The following FHIT variants were observed in gnomAD, a reference collection of about 807,000 sequenced individuals.
The protein encoded by FHIT is bis(5'-adenosyl)-triphosphatase.
A neutral mutation model predicts 17.9 loss-of-function variants in FHIT; 19 were observed. The ratio of observed to expected loss-of-function variants is 1.06; its 90% CI spans 0.74 to 1.56. The LOEUF is 1.56. FHIT is among the 40% of genes most tolerant of loss of function. The probability of loss-of-function intolerance (pLI) is 0.00; values close to 1 mark genes in which losing one functional copy is unlikely to be tolerated. For synonymous variants in FHIT, 81 were observed against 69.7 expected (o/e 1.16, Z -0.81); for missense variants, 248 against 189.2 (o/e 1.31, Z -1.82).
intron 4 of FHIT, among the ~76,000 whole-genome samples, chr3:60,699,975 C>CA (rs1317447849): frequency 1.3e-5 from 2 of 151,336 alleles, no homozygotes; most frequent in African/African-American, 2.4e-5. Context: ...TGAAAAAATA[C>CA]AAAAAAAGTA....
Position 59,967,514 on chromosome 3 carries a change from G to A in FHIT, c.279+43857C>T, listed in dbSNP as rs556788538. Among the ~76,000 whole-genome samples the A allele has an allele frequency of 4.5e-3, 678 of 152,248 alleles. 6 individuals carry two copies. Among genetic ancestry groups the A allele is most frequent in the African/African-American group, 0.015 (628 of 41,560 alleles). On this transcript the variant is annotated intron_variant, in intron 7 of 9. Transcript: ENST00000492590. ...TTTTCAGCTCCATTATAATCTTATA[G>A]GGCCACCTTCATACATGCGGTCTGT...
intron 7 of FHIT, among the ~76,000 whole-genome samples, chr3:60,004,377 G>A (rs1252310457): frequency 6.6e-6 from 1 of 152,118 alleles, no homozygotes; most frequent in African/African-American, 2.4e-5. Flanking sequence ...TAATTACTGA[G>A]GGGATTTGTT....
intron 5 of FHIT, among the ~76,000 whole-genome samples, chr3:60,260,764 T>A (rs918560874): frequency 1.3e-5 from 2 of 152,014 alleles, no homozygotes; most frequent in Non-Finnish European, 2.9e-5. Flanking sequence ...GCAAATCACC[T>A]GATAAAACAA....
At chr3:60,347,469 G>A (rs1326552379) in intron 5 of FHIT, among the ~76,000 whole-genome samples, 1 of 152,056 alleles carries the variant, frequency 6.6e-6, no homozygotes, top group Non-Finnish European at 1.5e-5. Flanking sequence ...CATCAACTTA[G>A]CAAGTGCTGG....
intron 5 of FHIT, among the ~76,000 whole-genome samples, chr3:60,322,713 C>T (rs1050914703): frequency 3.3e-5 from 5 of 152,170 alleles, no homozygotes; most frequent in African/African-American, 1.2e-4. Context: ...CGTATGATCA[C>T]ATGGGTAGTC....
At chr3:60,378,482 G>A (rs891527212) in intron 5 of FHIT, among the ~76,000 whole-genome samples, 1 of 152,108 alleles carries the variant, frequency 6.6e-6, no homozygotes, top group Admixed American at 6.5e-5. Flanking sequence ...TTTCTTCTCA[G>A]AGTAGATCTA....
chr3:61,156,745 A>T (rs567041814), intron 2 of FHIT, among the ~76,000 whole-genome samples: 1 of 152,224 alleles, frequency 6.6e-6, no homozygotes, highest in Non-Finnish European at 1.5e-5. Context: ...CTTCATTAAC[A>T]TCTTTCTGTA....
chr3:60,904,930 C>A, intron 3 of FHIT, among the ~76,000 whole-genome samples: 1 of 100,188 alleles, frequency 1.0e-5, no homozygotes, highest in African/African-American at 3.6e-5. Context: ...CAGAACGAGA[C>A]TTGGTCTAAA....
chr3:60,860,113 A>G (rs1201388118), intron 3 of FHIT, among the ~76,000 whole-genome samples: 1 of 147,456 alleles, frequency 6.8e-6, no homozygotes, highest in African/African-American at 2.5e-5. Flanking sequence ...CTGATATATG[A>G]TATATAAATG....
At chr3:60,568,514 G>T (rs1055014281) in intron 4 of FHIT, among the ~76,000 whole-genome samples, 1 of 151,944 alleles carries the variant, frequency 6.6e-6, no homozygotes, top group Non-Finnish European at 1.5e-5. Context: ...GTTAAATCAC[G>T]AGTTGATGGG....
chr3:60,609,418 C>T (rs1259786025), intron 4 of FHIT, among the ~76,000 whole-genome samples: 2 of 152,006 alleles, frequency 1.3e-5, no homozygotes, highest in South Asian at 2.1e-4. Context: ...CTCCGCCTCT[C>T]GGGTTCAAGT....
chr3:60,376,752 G>A lies in FHIT; in HGVS notation c.103+160108C>T, dbSNP rs368480748. Among the ~76,000 whole-genome samples, 21 of 152,072 alleles carry A rather than the reference G, an allele frequency of 1.4e-4. No homozygotes were observed. In the East Asian group the frequency reaches 2.9e-3, roughly 21 times the overall value. On this transcript the variant is annotated intron_variant, in intron 5 of 9. Transcript: ENST00000492590. ...CTTTAAAACGTATTACCTTTTCCAGGGACAAATGCTCTATAATGTTATTCT... is the reference window on the plus strand; with the variant it reads ...CTTTAAAACGTATTACCTTTTCCAGAGACAAATGCTCTATAATGTTATTCT...
chr3:60,875,485 C>T (rs1704605149), intron 3 of FHIT, among the ~76,000 whole-genome samples: 1 of 152,216 alleles, frequency 6.6e-6, no homozygotes. Context: ...ACAGTGCTAA[C>T]TGGTTCATTG....
chr3:60,223,069 T>G (rs1704034826), intron 5 of FHIT, among the ~76,000 whole-genome samples: 2 of 152,158 alleles, frequency 1.3e-5, no homozygotes, highest in Admixed American at 1.3e-4. Flanking sequence ...TATTTTTCCA[T>G]CTACAATAGT....
At position 60,165,527 on chromosome 3, in the gene FHIT, G is replaced by A. The variant is rs549213807; in HGVS notation, c.104-151375C>T. Among the ~76,000 whole-genome samples, 3 of 152,284 alleles carry A rather than the reference G, an allele frequency of 2.0e-5. No homozygotes were observed. In the South Asian group the frequency reaches 6.2e-4, roughly 32 times the overall value. On this transcript the variant is annotated intron_variant, in intron 5 of 9. Transcript: ENST00000492590. The stretch of plus-strand genomic sequence containing the variant: ...ATGTTATTTCCAACTTGTTATGGGT[G>A]AGCATTATTTAGAATAGCTTGGAAG...
At chr3:60,394,083 G>A (rs752392241) in intron 5 of FHIT, among the ~76,000 whole-genome samples, 3 of 152,126 alleles carry the variant, frequency 2.0e-5, no homozygotes, top group Non-Finnish European at 4.4e-5. Flanking sequence ...AAGCCTCAGG[G>A]GTGAGGGTCA....
At chr3:60,610,733 G>A (rs1386894247) in intron 4 of FHIT, among the ~76,000 whole-genome samples, 1 of 152,150 alleles carries the variant, frequency 6.6e-6, no homozygotes, top group Non-Finnish European at 1.5e-5. Context: ...TTAGATCGCT[G>A]CACATTTTTA....
At chr3:60,100,138 TCCAA>T (rs1704130497) in intron 5 of FHIT, among the ~76,000 whole-genome samples, 3 of 152,086 alleles carry the variant, frequency 2.0e-5, no homozygotes, top group Admixed American at 2.0e-4. Flanking sequence ...AGCTATCTTC[TCCAA>T]CCAAGTTGTT....
chr3:60,712,002 A>T (rs1345007676), intron 4 of FHIT, among the ~76,000 whole-genome samples: 2 of 152,208 alleles, frequency 1.3e-5, no homozygotes, highest in Non-Finnish European at 2.9e-5. Flanking sequence ...TGAAGGAAAA[A>T]ATGTTAAGGG....
Sources: gnomAD v4.1 joint callset for allele counts (sites outside exome capture counted in the v4.1 genomes callset) on GRCh38, gnomAD v4.1.1 for gene constraint, MANE v1.5 for transcripts, NCBI Gene and HGNC (gene_info 2026-07-23, HGNC 2026-07-21) for gene names.